The following EDA variants were observed in gnomAD, a reference collection of about 807,000 sequenced individuals.
EDA encodes the protein ectodysplasin A, also known as ectodysplasin-A.
EDA carries 2 observed loss-of-function variants against 23.6 expected under a neutral mutation model. The observed-to-expected ratio is 0.08, with a 90% CI of 0.03 to 0.27. The LOEUF is 0.27. EDA is among the 10% of genes least tolerant of loss of function. The probability of loss-of-function intolerance (pLI) is 1.00; values close to 1 mark genes in which losing one functional copy is unlikely to be tolerated. For missense variants in EDA, 229 were observed against 324.2 expected, an observed-to-expected ratio of 0.71 and a Z score of 2.26; for synonymous variants, 131 against 132.0, an observed-to-expected ratio of 0.99 and a Z score of 0.05.
rs1156922922 is a variant in EDA at position 69,656,456 on chromosome X, C to T, written c.396+39752C>T. On this transcript the variant is annotated intron_variant, in intron 1 of 7. Transcript: ENST00000374552. ...AAAGTGGCTGGAAAAAAACAGATGA[C>T]TACACTGCCTGATCTCACTTTATGT... Among the ~76,000 whole-genome samples the T allele has an allele frequency of 3.6e-5, 4 of 111,884 alleles. No homozygotes were observed. In the East Asian group the frequency reaches 1.1e-3, roughly 31 times the overall value.
intron 1 of EDA, among the ~76,000 whole-genome samples, chrX:69,756,131 C>T (rs1303584273): frequency 6.2e-5 from 7 of 112,388 alleles, no homozygotes; most frequent in African/African-American, 1.9e-4. Context: ...CTGTGTCACT[C>T]ATGCTGGGAG....
At chrX:69,694,321 T>G (rs756119179) in intron 1 of EDA, among the ~76,000 whole-genome samples, 4 of 112,343 alleles carry the variant, frequency 3.6e-5, no homozygotes, top group Non-Finnish European at 7.5e-5. Flanking sequence ...AAGGAGTTAT[T>G]TTAAATTGCA....
rs1325490950 is a variant in EDA, at chrX:69,987,289, TAA to T, written c.502+30167_502+30168del. The stretch of plus-strand genomic sequence containing the variant: ...TAAAGTATAATAAAAAAAAAAAAAT[TAA>T]AAAAAAAAATTTTTTTTTTTAAAAA... On this transcript the variant is annotated intron_variant, in intron 2 of 7. Coordinates refer to ENST00000374552, the MANE Select transcript of EDA (RefSeq NM_001399.5). 1.8e-3 allele frequency among the ~76,000 whole-genome samples: 153 copies of T among 86,304 alleles called. 1 individual carries two copies. The East Asian group carries it at 0.029, about 16-fold the overall frequency. The allele number at this position is 86,304 out of a possible 115,157, so 74.9% of individuals were successfully genotyped here.
intron 1 of EDA, among the ~76,000 whole-genome samples, chrX:69,812,074 A>G (rs1400253195): frequency 2.7e-5 from 3 of 112,356 alleles, no homozygotes; most frequent in African/African-American, 9.7e-5. Context: ...AGTAAAAGGA[A>G]AAGTAGAAGC....
At chrX:69,641,611 A>G (rs775481574) in intron 1 of EDA, among the ~76,000 whole-genome samples, 2 of 112,347 alleles carry the variant, frequency 1.8e-5, no homozygotes, top group South Asian at 7.4e-4. Context: ...TGTTTGCAAC[A>G]TAATAAAGGC....
intron 1 of EDA, among the ~76,000 whole-genome samples, chrX:69,691,952 G>A (rs924730176): frequency 2.7e-5 from 3 of 111,584 alleles, no homozygotes; most frequent in African/African-American, 9.8e-5. Flanking sequence ...AGTATCTTTT[G>A]TCCTAACTTC....
At chrX:69,678,787 C>T (rs1467380327) in intron 1 of EDA, among the ~76,000 whole-genome samples, 16 of 83,794 alleles carry the variant, frequency 1.9e-4, no homozygotes, top group Non-Finnish European at 3.3e-4. Flanking sequence ...ATTTGACTTC[C>T]TCTTTTCCTA....
chrX:69,709,591 G>A (rs1218348995), intron 1 of EDA, among the ~76,000 whole-genome samples: 1 of 111,864 alleles, frequency 8.9e-6, no homozygotes, highest in Non-Finnish European at 1.9e-5. Context: ...AGGGGAGGGT[G>A]AACGAGTTTT....
intron 2 of EDA, among the ~76,000 whole-genome samples, chrX:69,979,965 G>A (rs1041051005): frequency 9.1e-6 from 1 of 109,891 alleles, no homozygotes; most frequent in Non-Finnish European, 1.9e-5. Context: ...ATTTTTTAGT[G>A]TTTCTATTAT....
intron 1 of EDA, among the ~76,000 whole-genome samples, chrX:69,753,354 C>G (rs932428132): frequency 1.8e-5 from 2 of 112,028 alleles, no homozygotes; most frequent in African/African-American, 3.2e-5. Flanking sequence ...CATTCAGGAG[C>G]AGGTTGTTCA....
intron 1 of EDA, among the ~76,000 whole-genome samples, chrX:69,713,943 A>G (rs1048791255): frequency 9.1e-6 from 1 of 109,936 alleles, no homozygotes; most frequent in African/African-American, 3.3e-5. Flanking sequence ...TTTTTCCAAG[A>G]AACTGCCAAA....
At chrX:69,688,726 G>T (rs780801869) in intron 1 of EDA, among the ~76,000 whole-genome samples, 12 of 111,556 alleles carry the variant, frequency 1.1e-4, no homozygotes, top group Non-Finnish European at 2.3e-4. Flanking sequence ...CACTCAGAGT[G>T]GCTTAGAGTG....
chrX:69,750,313 G>T (rs2013791798), intron 1 of EDA, among the ~76,000 whole-genome samples: 1 of 107,798 alleles, frequency 9.3e-6, no homozygotes, highest in Non-Finnish European at 1.9e-5. Context: ...CAGAATGATG[G>T]TTTCCAGCTT....
chrX:69,630,279 A>T (rs1336356783), intron 1 of EDA, among the ~76,000 whole-genome samples: 1 of 111,442 alleles, frequency 9.0e-6, no homozygotes, highest in Non-Finnish European at 1.9e-5. Flanking sequence ...TCTAGGAGAA[A>T]TGTGATTCAT....
intron 1 of EDA, among the ~76,000 whole-genome samples, chrX:69,677,903 A>G (rs1334090882): frequency 1.1e-4 from 12 of 111,817 alleles, no homozygotes; most frequent in Non-Finnish European, 1.9e-4. Flanking sequence ...GCCCATGCCT[A>G]TGTCCTGAAT....
chrX:69,680,577 G>A (rs1256575198), intron 1 of EDA, among the ~76,000 whole-genome samples: 1 of 62,784 alleles, frequency 1.6e-5, no homozygotes, highest in South Asian at 9.1e-4. Flanking sequence ...ATTATGTAAT[G>A]GCCTTCTTTG....
intron 1 of EDA, among the ~76,000 whole-genome samples, chrX:69,904,031 C>T (rs1170729815): frequency 1.8e-5 from 2 of 110,242 alleles, no homozygotes; most frequent in Non-Finnish European, 1.9e-5. Flanking sequence ...AGGCTGGTGT[C>T]GAACTCCTGA....
chrX:69,710,290 A>G (rs1224733538), intron 1 of EDA, among the ~76,000 whole-genome samples: 7 of 110,641 alleles, frequency 6.3e-5, no homozygotes, highest in Admixed American at 1.9e-4. Flanking sequence ...CAGGTTTGTC[A>G]AAGATCAGAT....
At chrX:69,967,842 A>G (rs905695644) in intron 2 of EDA, among the ~76,000 whole-genome samples, 9 of 112,253 alleles carry the variant, frequency 8.0e-5, no homozygotes, top group African/African-American at 2.9e-4. Context: ...TTACCAATTC[A>G]ACAAGCCCAG....
Sources: gnomAD v4.1 joint callset for allele counts (sites outside exome capture counted in the v4.1 genomes callset) on GRCh38, gnomAD v4.1.1 for gene constraint, MANE v1.5 for transcripts, NCBI Gene and HGNC (gene_info 2026-07-23, HGNC 2026-07-21) for gene names.